Variants in SCFD2 observed in about 807,000 individuals in gnomAD.
The protein encoded by SCFD2 is sec1 family domain-containing protein 2.
In SCFD2, 54 loss-of-function variants were observed where a neutral mutation model predicts 58.9. That is an observed-to-expected ratio of 0.92 (90% CI 0.74 to 1.15). The LOEUF (loss-of-function observed/expected upper bound fraction) is 1.15. Among genes scored for constraint, SCFD2 ranks in the 50% most tolerant of loss-of-function variants. SCFD2 has a pLI of 0.00. For missense variants in SCFD2, 805 were observed against 836.6 expected, an observed-to-expected ratio of 0.96 and a Z score of 0.47; for synonymous variants, 321 against 335.9, an observed-to-expected ratio of 0.96 and a Z score of 0.49.
intron 7 of SCFD2, 122 bp downstream of exon 7, chr4:52,907,335 A>G (rs1719370439): frequency 7.3e-6 from 7 of 955,168 alleles, no homozygotes; most frequent in Non-Finnish European, 1.6e-6. Flanking sequence ...TGATTTTAGA[A>G]GAGCCAAAAT....
At chr4:53,342,472 C>A (rs1733912365) in intron 2 of SCFD2, among the ~76,000 whole-genome samples, 1 of 152,092 alleles carries the variant, frequency 6.6e-6, no homozygotes, top group South Asian at 2.1e-4. Context: ...TCCTTAGAGA[C>A]CTACAAAGAG....
intron 4 of SCFD2, among the ~76,000 whole-genome samples, chr4:53,219,164 C>G (rs1728963192): frequency 6.6e-6 from 1 of 152,200 alleles, no homozygotes; most frequent in Admixed American, 6.5e-5. Flanking sequence ...CACTTCAAAG[C>G]TGTCAAACAG....
intron 7 of SCFD2, among the ~76,000 whole-genome samples, chr4:52,889,441 C>T (rs1410380555): frequency 6.6e-5 from 10 of 152,202 alleles, no homozygotes; most frequent in African/African-American, 1.4e-4. Flanking sequence ...AGCTCCATCA[C>T]ACACTCAGAT....
chr4:53,197,965 C>T (rs1240886583), intron 4 of SCFD2, among the ~76,000 whole-genome samples: 1 of 151,962 alleles, frequency 6.6e-6, no homozygotes. Context: ...GGCTGGCCTG[C>T]TAGGAAATAT....
rs146396701 is a variant in SCFD2, at chr4:52,956,279, G to A, written c.1562-35409C>T. 1.2e-3 allele frequency: 540 copies of A among 456,478 alleles called. 2 individuals are homozygous for A. Among genetic ancestry groups the A allele is most frequent in the African/African-American group, 9.8e-3 (490 of 50,206 alleles). 28.3% of individuals were successfully genotyped at this position (456,478 alleles called of 1,614,324 possible). On this transcript the variant is annotated intron_variant, in intron 5 of 8. Coordinates refer to ENST00000401642, the MANE Select transcript of SCFD2 (RefSeq NM_152540.4). ...TCCTTCCCCTTGGAGCCTGGAAGGG[G>A]AGCGGTGGCTGAGGAACCAGAGGAA...
At chr4:53,307,615 A>G (rs1732557886) in intron 3 of SCFD2, among the ~76,000 whole-genome samples, 1 of 152,220 alleles carries the variant, frequency 6.6e-6, no homozygotes, top group Admixed American at 6.5e-5. Flanking sequence ...AGAGAACTCC[A>G]AGGTACCAGG....
chr4:52,914,316 G>A (rs929265369), intron 6 of SCFD2, among the ~76,000 whole-genome samples: 2 of 152,194 alleles, frequency 1.3e-5, no homozygotes, highest in African/African-American at 4.8e-5. Flanking sequence ...GTCCCTTGGA[G>A]GAGTGCTGGA....
chr4:53,154,174 T>G (rs11133245), intron 4 of SCFD2, among the ~76,000 whole-genome samples: 36,265 of 152,140 alleles, frequency 0.24, 4,536 homozygotes, highest in Non-Finnish European at 0.29. Context: ...TTTGTGTTTG[T>G]TTGCATTGCT....
At chr4:53,219,498 C>A (rs568600988) in intron 4 of SCFD2, among the ~76,000 whole-genome samples, 1 of 152,152 alleles carries the variant, frequency 6.6e-6, no homozygotes, top group South Asian at 2.1e-4. Flanking sequence ...CACAGTATTA[C>A]GGTGGGAGTG....
At chr4:53,105,293 T>C (rs1724958535) in intron 5 of SCFD2, among the ~76,000 whole-genome samples, 1 of 151,666 alleles carries the variant, frequency 6.6e-6, no homozygotes, top group Non-Finnish European at 1.5e-5. Flanking sequence ...CTTTAGGAGT[T>C]TTTTTTCATA....
chr4:53,107,289 C>T (rs2148881153), intron 5 of SCFD2, among the ~76,000 whole-genome samples: 1 of 152,272 alleles, frequency 6.6e-6, no homozygotes, highest in Non-Finnish European at 1.5e-5. Flanking sequence ...ATTGTAAACA[C>T]CATTGACACT....
chr4:53,121,277 T>C lies in SCFD2; in HGVS notation c.1561+24056A>G, dbSNP rs147393982. Among the ~76,000 whole-genome samples the C allele has an allele frequency of 2.9e-3, 447 of 152,110 alleles. 1 individual carries two copies. Among genetic ancestry groups the C allele is most frequent in the African/African-American group, 0.01 (419 of 41,502 alleles). On this transcript the variant is annotated intron_variant, in intron 5 of 8. Transcript: ENST00000401642. ...ACGTAATACAAGAGAATGAAAGGGA[T>C]TGATTCTGGGGTGGGCTGGGAGCAC... is the stretch of plus-strand genomic sequence containing the variant.
intron 3 of SCFD2, among the ~76,000 whole-genome samples, chr4:53,292,151 T>C (rs1272394657): frequency 1.3e-5 from 2 of 152,002 alleles, no homozygotes; most frequent in Admixed American, 6.6e-5. Context: ...AAAGATTTCA[T>C]GAGACGAAAA....
intron 4 of SCFD2, among the ~76,000 whole-genome samples, chr4:53,190,394 A>G (rs1727858215): frequency 6.6e-6 from 1 of 152,066 alleles, no homozygotes; most frequent in African/African-American, 2.4e-5. Flanking sequence ...CTTTGAAAAC[A>G]CCTGGCACTT....
chr4:53,271,855 G>C (rs1418368301), intron 4 of SCFD2, among the ~76,000 whole-genome samples: 1 of 152,082 alleles, frequency 6.6e-6, no homozygotes, highest in Non-Finnish European at 1.5e-5. Flanking sequence ...TGACAAATGG[G>C]ATCTCATTAA....
intron 2 of SCFD2, among the ~76,000 whole-genome samples, chr4:53,331,863 GAAA>G (rs1281664275): frequency 6.7e-6 from 1 of 150,332 alleles, no homozygotes. Context: ...GACTAATAAA[GAAA>G]AAAAGAGAGA....
chr4:53,185,209 G>A (rs1192005577), intron 4 of SCFD2, among the ~76,000 whole-genome samples: 1 of 152,034 alleles, frequency 6.6e-6, no homozygotes, highest in East Asian at 1.9e-4. Context: ...TAAGTAAACT[G>A]TATAGCAACC....
chr4:53,159,504 G>T (rs1451000568), intron 4 of SCFD2, among the ~76,000 whole-genome samples: 1 of 152,204 alleles, frequency 6.6e-6, no homozygotes, highest in Non-Finnish European at 1.5e-5. Context: ...AGGACAAATA[G>T]TTAAGGGACC....
chr4:53,230,487 C>G (rs1185117484), intron 4 of SCFD2, among the ~76,000 whole-genome samples: 2 of 152,054 alleles, frequency 1.3e-5, no homozygotes, highest in African/African-American at 2.4e-5. Context: ...ATGGATGAAG[C>G]TGGAAACCAT....
Sources: allele counts gnomAD v4.1 joint callset (sites outside exome capture counted in the v4.1 genomes callset), GRCh38; gene constraint gnomAD v4.1.1; transcripts MANE v1.5; gene names NCBI Gene and HGNC (gene_info 2026-07-23, HGNC 2026-07-21).